Variants in SLC5A1 observed in about 807,000 individuals in gnomAD.
The protein encoded by SLC5A1 is solute carrier family 5 member 1.
Under a neutral mutation model 73.5 loss-of-function variants are expected in SLC5A1, and 42 were observed. That is an observed-to-expected ratio of 0.57 (90% CI 0.45 to 0.74). The LOEUF (loss-of-function observed/expected upper bound fraction) is 0.74, where lower values mean the gene tolerates loss of function less well. SLC5A1 is among the 30% of genes least tolerant of loss of function. The pLI, the probability that SLC5A1 is intolerant of heterozygous loss-of-function variation, is 0.00. For missense variants in SLC5A1, 634 were observed against 855.4 expected (o/e 0.74, Z 3.23); for synonymous variants, 300 against 317.4 (o/e 0.95, Z 0.58).
At chr22:32,049,836 A>T in intron 1 of SLC5A1, 107 bp from the exon 2 acceptor site, 1 of 878,446 alleles carries the variant, frequency 1.1e-6, no homozygotes, top group Non-Finnish European at 1.9e-6. Flanking sequence ...AGTGTTTCAG[A>T]AAGTGGAGTG....
In SLC5A1 at chr22:32,110,064, G is replaced by A. The variant is rs61733910; in HGVS notation, c.1846G>A (p.Gly616Ser). 2,255 of 1,613,984 alleles carry A rather than the reference G, an allele frequency of 1.4e-3. No homozygotes were observed. Among genetic ancestry groups the A allele is most frequent in the Non-Finnish European group, 1.7e-3 (1,951 of 1,179,922 alleles). Reference protein sequence around the residue: ...YDLFCGLEQHGAPKMTEEEEK... With the variant: ...YDLFCGLEQHSAPKMTEEEEK... The stretch of plus-strand genomic sequence containing the variant: ...CCTATTTTGTGGGCTAGAGCAGCAC[G>A]GTGCACCCAAGATGACTGAGGAAGA... The change falls in exon 15 of 15, where the codon GGT (glycine) becomes AGT (serine). Residue 616 changes from glycine (G) to serine (S), a missense_variant. Physicochemically the swap from Gly to Ser is moderately conservative, Grantham distance 56. Transcript: ENST00000266088.
chr22:32,102,477 A>G (rs1397260521), intron 13 of SLC5A1, among the ~76,000 whole-genome samples: 1 of 152,042 alleles, frequency 6.6e-6, no homozygotes, highest in Non-Finnish European at 1.5e-5. Flanking sequence ...ACTCTTAGTT[A>G]TTTTAAAATA....
Position 32,080,089 on chromosome 22 carries a change from C to T in SLC5A1, c.478-1777C>T, listed in dbSNP as rs567104778. 4.6e-5 allele frequency among the ~76,000 whole-genome samples: 7 copies of T among 152,270 alleles called. No individual in the cohort carries two copies. In the South Asian group the frequency reaches 1.2e-3, roughly 27 times the overall value. The stretch of plus-strand genomic sequence containing the variant: ...GGGAAATGTTTTGCCCAAAGGTTTG[C>T]AGGCCTAGAGTGGCGGCACTGGGGC... On this transcript the variant is annotated intron_variant, in intron 5 of 14. Coordinates refer to ENST00000266088, the MANE Select transcript of SLC5A1 (RefSeq NM_000343.4).
At chr22:32,058,839 AT>A (rs1368430116) in intron 2 of SLC5A1, among the ~76,000 whole-genome samples, 14 of 151,872 alleles carry the variant, frequency 9.2e-5, no homozygotes, top group Admixed American at 5.9e-4. Flanking sequence ...TGCTGTTCTC[AT>A]GGGCCCTGGG....
chr22:32,100,698 AC>A (rs1379614633), intron 12 of SLC5A1, among the ~76,000 whole-genome samples: 1 of 152,136 alleles, frequency 6.6e-6, no homozygotes, highest in East Asian at 1.9e-4. Flanking sequence ...CTACAGGCAC[AC>A]CCCATGCCCA....
At chr22:32,103,195 T>A (rs1468329288) in intron 13 of SLC5A1, among the ~76,000 whole-genome samples, 1 of 152,240 alleles carries the variant, frequency 6.6e-6, no homozygotes, top group Non-Finnish European at 1.5e-5. Context: ...ACCAACAGTG[T>A]TTGAGGATTC....
intron 1 of SLC5A1, among the ~76,000 whole-genome samples, chr22:32,048,051 C>A (rs1205689597): frequency 2.0e-5 from 3 of 151,000 alleles, no homozygotes; most frequent in African/African-American, 7.3e-5. Context: ...ACTCGGGAGG[C>A]TGAGGCATGA....
intron 5 of SLC5A1, among the ~76,000 whole-genome samples, chr22:32,069,905 G>C (rs2093979987): frequency 6.6e-6 from 1 of 152,204 alleles, no homozygotes; most frequent in Admixed American, 6.5e-5. Flanking sequence ...TGAATCAGGA[G>C]TAGAATCCAG....
At chr22:32,108,040 A>G (rs933041846) in intron 14 of SLC5A1, among the ~76,000 whole-genome samples, 2 of 152,152 alleles carry the variant, frequency 1.3e-5, no homozygotes, top group Non-Finnish European at 2.9e-5. Flanking sequence ...CGCAAGTACA[A>G]TTCTTCCAAT....
At chr22:32,060,187 ATATATATAT>A (rs1366943718) in intron 2 of SLC5A1, among the ~76,000 whole-genome samples, 1 of 76,492 alleles carries the variant, frequency 1.3e-5, no homozygotes, top group African/African-American at 8.4e-5. Flanking sequence ...ACACACACAC[ATATATATAT>A]ATATTTTTTT....
At chr22:32,098,221 A>G (rs1282042730) in intron 11 of SLC5A1, among the ~76,000 whole-genome samples, 4 of 152,262 alleles carry the variant, frequency 2.6e-5, no homozygotes, top group African/African-American at 9.6e-5. Context: ...ATGAAAAAAT[A>G]TGTTTGTAAA....
chr22:32,106,326 A>C (rs117810668), intron 14 of SLC5A1, among the ~76,000 whole-genome samples: 1,612 of 152,342 alleles, frequency 0.011, 17 homozygotes, highest in Non-Finnish European at 0.016. Flanking sequence ...GATGTTGAGC[A>C]CATTTTTATG....
At chr22:32,073,694 T>C (rs1035167288) in intron 5 of SLC5A1, among the ~76,000 whole-genome samples, 3 of 151,988 alleles carry the variant, frequency 2.0e-5, no homozygotes, top group Non-Finnish European at 4.4e-5. Flanking sequence ...GTAGCTGGGA[T>C]TACAGCCACA....
chr22:32,076,600 A>G (rs1474576119), intron 5 of SLC5A1, among the ~76,000 whole-genome samples: 1 of 152,220 alleles, frequency 6.6e-6, no homozygotes, highest in African/African-American at 2.4e-5. Context: ...TAAGATTTGA[A>G]TGCTCATTCC....
rs2093955994 is a variant in SLC5A1, at chr22:32,058,911, CCT to C, written c.208-8023_208-8022del. On this transcript the variant is annotated intron_variant, in intron 2 of 14. Transcript: ENST00000266088. ...AGGAGAGAGTGGTCCTTGGCATGTC[CCT>C]GAGAAGAGTCCTGACTCCATGCCCC... Among the ~76,000 whole-genome samples the C allele has an allele frequency of 2.0e-5, 3 of 152,234 alleles. No individual in the cohort carries two copies. The South Asian group carries it at 6.2e-4, about 32-fold the overall frequency.
At chr22:32,070,171 G>C (rs2093980370) in intron 5 of SLC5A1, among the ~76,000 whole-genome samples, 1 of 147,352 alleles carries the variant, frequency 6.8e-6, no homozygotes, top group African/African-American at 2.5e-5. Context: ...CAGAGCTCTT[G>C]GCTGACCTAC....
chr22:32,078,453 A>G (rs978747637), intron 5 of SLC5A1, among the ~76,000 whole-genome samples: 1 of 151,860 alleles, frequency 6.6e-6, no homozygotes, highest in African/African-American at 2.4e-5. Context: ...TTTTTAGTAG[A>G]GACAGGGTTT....
intron 10 of SLC5A1, among the ~76,000 whole-genome samples, chr22:32,087,490 A>C (rs1410224856): frequency 1.3e-5 from 2 of 152,228 alleles, no homozygotes; most frequent in African/African-American, 2.4e-5. Flanking sequence ...CCAAGGAAAC[A>C]CATGGGGAAA....
At position 32,083,059 on chromosome 22, in the gene SLC5A1, T is replaced by C; in HGVS notation, c.584-15T>C. ...TCCACACGAGGTCAGATGTGTTGTC[T>C]TCTTGCCTGCTTAGGGGGCCTGGCG... On this transcript the variant is annotated splice_polypyrimidine_tract_variant and intron_variant, in intron 6 of 14. Transcript: ENST00000266088. The C allele has an allele frequency of 6.2e-7, 1 of 1,613,814 alleles. No homozygotes were observed. Among genetic ancestry groups the C allele is most frequent in the Non-Finnish European group, 8.5e-7 (1 of 1,179,686 alleles).
Sources: gnomAD v4.1 joint callset for allele counts (sites outside exome capture counted in the v4.1 genomes callset) on GRCh38, gnomAD v4.1.1 for gene constraint, MANE v1.5 for transcripts, NCBI Gene and HGNC (gene_info 2026-07-23, HGNC 2026-07-21) for gene names.